The following RNPS1 variants were observed in gnomAD, a reference collection of about 807,000 sequenced individuals.
RNPS1 encodes RNA binding protein with serine rich domain 1.
For missense variants in RNPS1, 300 were observed against 427.6 expected, an observed-to-expected ratio of 0.70 and a Z score of 2.63; for synonymous variants, 147 against 150.0, an observed-to-expected ratio of 0.98 and a Z score of 0.15.
chr16:2,262,121 C>G (rs1317012686), intron 6 of RNPS1, 157 bp downstream of exon 6: 18 of 615,684 alleles, frequency 2.9e-5, no homozygotes, highest in Non-Finnish European at 4.9e-5. Flanking sequence ...GCCCAAACCT[C>G]AGTTTGGTCC....
chr16:2,263,414 T>A, intron 3 of RNPS1, 127 bp from the exon 4 acceptor site: 5 of 855,272 alleles, frequency 5.8e-6, no homozygotes, highest in Non-Finnish European at 7.4e-6. Context: ...CTCACTGCTT[T>A]CAGCAGTGGG....
chr16:2,254,114 G>A, intron 7 of RNPS1, 51 bp from the exon 8 acceptor site: 1 of 1,300,730 alleles, frequency 7.7e-7, no homozygotes, highest in Non-Finnish European at 1.0e-6. Flanking sequence ...GTAGGGGCAA[G>A]CTAGCTTCTT....
rs1476262228 is a variant in RNPS1 at position 2,253,528 on chromosome 16, G to T, written c.*436C>A. 1 of 306,022 alleles carries T rather than the reference G, an allele frequency of 3.3e-6. No individual in the cohort carries two copies. The highest frequency in any genetic ancestry group is 6.3e-6 in the Non-Finnish European group (1 of 158,136). 19.0% of individuals were successfully genotyped at this position (306,022 alleles called of 1,614,324 possible). A position where few individuals can be genotyped will look rare whatever the true frequency, so the allele number is the denominator to read the frequency against. On this transcript the variant is annotated 3_prime_UTR_variant, in exon 8 of 8. Transcript: ENST00000320225. ...AGGCCTCGAGAGGCCAGGCCTAACAGGGTTGGCAGCTGCACTAAAGCCTGG... is the reference window on the plus strand; with the variant it reads ...AGGCCTCGAGAGGCCAGGCCTAACATGGTTGGCAGCTGCACTAAAGCCTGG...
intron 6 of RNPS1, among the ~76,000 whole-genome samples, chr16:2,260,061 G>A (rs775446951): frequency 1.3e-5 from 2 of 150,544 alleles, no homozygotes; most frequent in East Asian, 1.9e-4. Flanking sequence ...TTAAGTATAC[G>A]CCTAGGAACA....
chr16:2,263,906 T>C (rs1235843915), intron 3 of RNPS1: 2 of 348,112 alleles, frequency 5.7e-6, no homozygotes, highest in Admixed American at 4.4e-5. Context: ...TTTTTTTTTT[T>C]TTTTGTAGAG....
chr16:2,255,691 C>A lies in RNPS1; in HGVS notation c.712G>T (p.Val238Leu). 1.2e-6 allele frequency: 2 copies of A among 1,613,802 alleles called. No homozygotes were observed. The highest frequency in any genetic ancestry group is 1.7e-6 in the Non-Finnish European group (2 of 1,179,954). The change falls in exon 7 of 8, where the codon GTG (valine) becomes TTG (leucine). Residue 238 changes from valine to leucine, a missense_variant. Transcript: ENST00000320225. ...GGTGGCCTAGGCCAGGGGGCCAGCACGGCGGTGGCAGTGATCTCCTGGCCA... is the reference window on the plus strand; with the variant it reads ...GGTGGCCTAGGCCAGGGGGCCAGCAAGGCGGTGGCAGTGATCTCCTGGCCA... ...IDGQEITATA[V>L]LAPWPRPPPR... is the part of the protein sequence containing the mutation.
chr16:2,254,232 T>C (rs1248856915), intron 7 of RNPS1, among the ~76,000 whole-genome samples, 169 bp from the exon 8 acceptor site: 1 of 152,120 alleles, frequency 6.6e-6, no homozygotes, highest in Non-Finnish European at 1.5e-5. Flanking sequence ...GCCTCCAGGG[T>C]TCAAGCGATT....
intron 6 of RNPS1, among the ~76,000 whole-genome samples, chr16:2,261,078 C>G (rs914207434): frequency 2.0e-5 from 3 of 151,132 alleles, no homozygotes; most frequent in Non-Finnish European, 4.4e-5. Flanking sequence ...TGCAGTGGGC[C>G]GAGGTGGTGC....
chr16:2,254,802 CATGATCTTGGCTCACT>C (rs2093570025), intron 7 of RNPS1, among the ~76,000 whole-genome samples: 1 of 141,958 alleles, frequency 7.0e-6, no homozygotes, highest in Non-Finnish European at 1.5e-5. Context: ...AGTGCAGTGG[CATGATCTTGGCTCACT>C]GCAAGCTCCA....
Position 2,253,230 on chromosome 16 carries a change from T to A in RNPS1, c.*734A>T, listed in dbSNP as rs2141521181. ...AAAGGTATAAAACTCAAAAGAGAAA[T>A]TTTATAGTACTGACTGTACAATGAA... is the stretch of plus-strand genomic sequence containing the variant. On this transcript the variant is annotated 3_prime_UTR_variant, in exon 8 of 8. Coordinates refer to ENST00000320225, the MANE Select transcript of RNPS1 (RefSeq NM_080594.4). The A allele has an allele frequency of 6.6e-6, 1 of 152,534 alleles. No individual in the cohort carries two copies. Among genetic ancestry groups the A allele is most frequent in the Admixed American group, 6.5e-5 (1 of 15,294 alleles). The allele number at this position is 152,534 out of a possible 1,614,324, so 9.4% of individuals were successfully genotyped here.
chr16:2,256,565 AAAAAG>A (rs974518338), intron 6 of RNPS1: 11 of 152,472 alleles, frequency 7.2e-5, no homozygotes, highest in African/African-American at 2.4e-4. Context: ...TCAAGAAAAA[AAAAAG>A]AAAAGTAAAG....
At chr16:2,264,462 G>A in intron 2 of RNPS1, 111 bp downstream of exon 2, 1 of 1,521,822 alleles carries the variant, frequency 6.6e-7, no homozygotes. Flanking sequence ...GTGGTCTGTG[G>A]CTCAGAACAC....
At chr16:2,265,998 C>G in intron 1 of RNPS1, 1 of 476,758 alleles carries the variant, frequency 2.1e-6, no homozygotes, top group Non-Finnish European at 2.7e-6. Flanking sequence ...TAGTTATGGG[C>G]CCTATTTTCC....
In RNPS1 at chr16:2,255,683, G is replaced by T; in HGVS notation, c.720C>A (p.Ala240=). 1 of 1,613,804 alleles carries T rather than the reference G, an allele frequency of 6.2e-7. No individual in the cohort carries two copies. Among genetic ancestry groups the T allele is most frequent in the Non-Finnish European group, 8.5e-7 (1 of 1,179,938 alleles). Residue 240 remains alanine (A), a synonymous_variant, in exon 7 of 8, where the codon GCC becomes GCA. Transcript: ENST00000320225. ...GQEITATAVL[A]PWPRPPPRRF... is the part of the protein sequence containing the mutation. ...TCCTGGGGGGTGGCCTAGGCCAGGG[G>T]GCCAGCACGGCGGTGGCAGTGATCT...
chr16:2,255,955 C>A, intron 6 of RNPS1: 1 of 522,288 alleles, frequency 1.9e-6, no homozygotes, highest in South Asian at 2.0e-5. Flanking sequence ...GTGAAAATGT[C>A]TCTACTAAAA....
At chr16:2,266,830 C>T (rs1194801606) in intron 1 of RNPS1, 1 of 503,216 alleles carries the variant, frequency 2.0e-6, no homozygotes, top group Non-Finnish European at 2.6e-6. Flanking sequence ...ATCTTTCCAA[C>T]ATATAATCAA....
chr16:2,266,407 G>A (rs1242956652), intron 1 of RNPS1: 24 of 985,030 alleles, frequency 2.4e-5, no homozygotes, highest in South Asian at 1.9e-4. Context: ...ATCATTCAGA[G>A]TATAATTTAG....
rs184203311 is a variant in RNPS1 at position 2,262,446 on chromosome 16, G to A, written c.523-15C>T. 3.1e-6 allele frequency: 5 copies of A among 1,613,688 alleles called. No homozygotes were observed. The East Asian group carries it at 8.9e-5, about 29-fold the overall frequency. ...ATGATGTGATCCTAGAGGGAAAGAA[G>A]GGTCACGCCAACGCCCAGCTACCAG... On this transcript the variant is annotated splice_polypyrimidine_tract_variant and intron_variant, in intron 5 of 7. Coordinates refer to ENST00000320225, the MANE Select transcript of RNPS1 (RefSeq NM_080594.4).
intron 6 of RNPS1, 79 bp downstream of exon 6, chr16:2,262,199 C>A (rs2093605702): frequency 7.1e-7 from 1 of 1,407,898 alleles, no homozygotes; most frequent in Admixed American, 1.9e-5. Context: ...AGAAGTGCAG[C>A]CCAGTTGGAA....
Sources: allele counts gnomAD v4.1 joint callset (sites outside exome capture counted in the v4.1 genomes callset), GRCh38; gene constraint gnomAD v4.1.1; transcripts MANE v1.5; gene names NCBI Gene and HGNC (gene_info 2026-07-23, HGNC 2026-07-21).